TRMT2A: variants seen among roughly 807,000 people sequenced by gnomAD.
The protein encoded by TRMT2A is tRNA (uracil-5-)-methyltransferase homolog A.
TRMT2A carries 60 observed loss-of-function variants against 59.3 expected under a neutral mutation model. That is an observed-to-expected ratio of 1.01 (90% confidence interval 0.82 to 1.26). The LOEUF is 1.26. TRMT2A is among the 50% of genes most tolerant of loss of function. TRMT2A has a pLI of 0.00. For synonymous variants in TRMT2A, 403 were observed against 353.7 expected, an observed-to-expected ratio of 1.14 and a Z score of -1.56; for missense variants, 863 against 845.2, an observed-to-expected ratio of 1.02 and a Z score of -0.26.
chr22:20,116,157 C>T lies in TRMT2A; in HGVS notation c.480G>A (p.Glu160=), dbSNP rs2147965859. Residue 160 remains glutamate, a synonymous_variant, in exon 2 of 12, where the codon GAG becomes GAA. Transcript: ENST00000252136. ...PMARRRRQEG[E]SEPPVTRVAD... ...CCACTCGTGTTACTGGTGGCTCACT[C>T]TCACCCTCCTGTCGCCTCCTCCTGG... 6.2e-7 allele frequency: 1 copy of T among 1,613,136 alleles called. No homozygotes were observed. Among genetic ancestry groups the T allele is most frequent in the Non-Finnish European group, 8.5e-7 (1 of 1,179,924 alleles).
Position 20,113,418 on chromosome 22 carries a change from G to A in TRMT2A, c.1432+14C>T, listed in dbSNP as rs1245318654. On this transcript the variant is annotated intron_variant, in intron 9 of 11. Transcript: ENST00000252136. ...GCCCCCATCCCCACCCCCACCCACG[G>A]CCTTGCCACTCACCATTGTCCTGGG... The A allele has an allele frequency of 1.6e-6, 2 of 1,275,548 alleles. No individual in the cohort carries two copies. The highest frequency in any genetic ancestry group is 1.9e-4 in the Middle Eastern group (1 of 5,286). 79.0% of individuals were successfully genotyped at this position (1,275,548 alleles called of 1,614,324 possible).
intron 3 of TRMT2A, 26 bp downstream of exon 3, chr22:20,115,646 T>C: frequency 1.2e-6 from 2 of 1,610,990 alleles, no homozygotes; most frequent in South Asian, 1.1e-5. Context: ...GGATAGGGGT[T>C]TGTGGCCACC....
At position 20,116,319 on chromosome 22, in the gene TRMT2A, A is replaced by G. The variant is rs1055281896; in HGVS notation, c.318T>C (p.Phe106=). ...FGLQPHKTKL[F]GQPPCAFVTF... The stretch of plus-strand genomic sequence containing the variant: ...TCACAAAGGCGCAGGGTGGTTGCCC[A>G]AAGAGTTTGGTTTTGTGGGGCTGCA... Residue 106 remains phenylalanine (F), a synonymous_variant, in exon 2 of 12, where the codon TTT becomes TTC. Transcript: ENST00000252136. 1 of 1,612,936 alleles carries G rather than the reference A, an allele frequency of 6.2e-7. No homozygotes were observed. The highest frequency in any genetic ancestry group is 2.2e-5 in the East Asian group (1 of 44,874).
chr22:20,116,303 C>T lies in TRMT2A; in HGVS notation c.334G>A (p.Ala112Thr), dbSNP rs761009895. 3.5e-5 allele frequency: 57 copies of T among 1,612,826 alleles called. 1 individual carries two copies. In the East Asian group the frequency reaches 4.2e-4, roughly 12 times the overall value. ...GCAGCGCTGCGGAATGTCACAAAGG[C>T]GCAGGGTGGTTGCCCAAAGAGTTTG... The part of the protein sequence containing the change: ...KTKLFGQPPC[A>T]FVTFRSAAER... The change falls in exon 2 of 12, where the codon GCC becomes ACC. Residue 112 changes from alanine to threonine, a missense_variant. Transcript: ENST00000252136.
chr22:20,113,393 G>GCCCCCCAGCCCCCCCCCCCCCCC, intron 9 of TRMT2A, 39 bp downstream of exon 9: 1 of 1,556,262 alleles, frequency 6.4e-7, no homozygotes, highest in Non-Finnish European at 8.8e-7. Context: ...GGTGGCGGCT[G>GCCCCCCAGCCCCCCCCCCCCCCC]CCCCCATCCC....
rs755036675 is a variant in TRMT2A at position 20,116,076 on chromosome 22, C to T, written c.561G>A (p.Lys187=). The change falls in exon 2 of 12, where the codon AAG becomes AAA. Residue 187 remains lysine, a synonymous_variant. Coordinates refer to ENST00000252136, the MANE Select transcript of TRMT2A (RefSeq NM_022727.6). ...TVPYAEQLER[K]QLECEQVLQK... ...GCAGCACCTGCTCGCACTCCAGCTG[C>T]TTCCGCTCAAGCTGCTCAGCATAGG... 6.3e-6 allele frequency: 10 copies of T among 1,580,376 alleles called. No individual in the cohort carries two copies. The highest frequency in any genetic ancestry group is 4.5e-5 in the South Asian group (4 of 88,538).
Position 20,116,876 on chromosome 22 carries a change from ACT to A in TRMT2A, c.24+5_24+6del. The A allele has an allele frequency of 1.3e-6, 2 of 1,492,826 alleles. No homozygotes were observed. The highest frequency in any genetic ancestry group is 8.9e-7 in the Non-Finnish European group (1 of 1,120,598). The allele number at this position is 1,492,826 out of a possible 1,614,324, so 92.5% of individuals were successfully genotyped here. A position where few individuals can be genotyped will look rare whatever the true frequency, so the allele number is the denominator to read the frequency against. On this transcript the variant is annotated splice_donor_5th_base_variant and intron_variant, in intron 1 of 11. Coordinates refer to ENST00000252136, the MANE Select transcript of TRMT2A (RefSeq NM_022727.6). ...CCGTCTCTACCCAGCGTCTCCCCGC[ACT>A]CTACCTCGTTGTCGAGGTTCTCACT... is the stretch of plus-strand genomic sequence containing the variant.
chr22:20,113,937 A>C, intron 7 of TRMT2A, 129 bp from the exon 8 acceptor site: 1 of 1,299,136 alleles, frequency 7.7e-7, no homozygotes, highest in Non-Finnish European at 1.0e-6. Flanking sequence ...CTTGGTGCCC[A>C]ACGTCTTCCC....
chr22:20,113,408 C>CCCCCCCCCCG, intron 9 of TRMT2A, 24 bp downstream of exon 9: 2 of 1,556,224 alleles, frequency 1.3e-6, no homozygotes, highest in Non-Finnish European at 1.8e-6. Context: ...CATCCCCACC[C>CCCCCCCCCCG]CCACCCACGG....
chr22:20,115,982 G>A, intron 2 of TRMT2A, 56 bp downstream of exon 2: 4 of 1,513,132 alleles, frequency 2.6e-6, no homozygotes, highest in Non-Finnish European at 3.5e-6. Context: ...ACAGGCTGAG[G>A]AAGCACAGGC....
chr22:20,113,434 T>C lies in TRMT2A; in HGVS notation c.1430A>G (p.Asn477Ser), dbSNP rs745892406. The change falls in exon 9 of 12, where the codon AAT becomes AGT. Residue 477 changes from asparagine (N) to serine (S), a missense_variant and splice_region_variant. Asn to Ser is a conservative substitution (Grantham distance 46, BLOSUM62 1). Transcript: ENST00000252136. Reference sequence around the variant, plus strand: ...CCACCCACGGCCTTGCCACTCACCATTGTCCTGGGCGTTCACCCGGGCGTC... The same window carrying C: ...CCACCCACGGCCTTGCCACTCACCACTGTCCTGGGCGTTCACCCGGGCGTC... Reference protein sequence around the residue: ...VEDARVNAQDNELSNVEFHCG... With the variant: ...VEDARVNAQDSELSNVEFHCG... 8.7e-6 allele frequency: 7 copies of C among 806,970 alleles called. No homozygotes were observed. The highest frequency in any genetic ancestry group is 1.4e-5 in the Non-Finnish European group (7 of 513,510). The allele number at this position is 806,970 out of a possible 1,614,324, so 50.0% of individuals were successfully genotyped here.
rs780841062 is a variant in TRMT2A, at chr22:20,113,108, A to T, written c.1549+10T>A. 2.5e-6 allele frequency: 4 copies of T among 1,607,416 alleles called. No individual in the cohort carries two copies. The South Asian group carries it at 4.4e-5, about 18-fold the overall frequency. On this transcript the variant is annotated intron_variant, in intron 10 of 11. Coordinates refer to ENST00000252136, the MANE Select transcript of TRMT2A (RefSeq NM_022727.6). The stretch of plus-strand genomic sequence containing the variant: ...TTCCCGTGCCACCTCCTTAAGCAAA[A>T]GCCACTCACGCAAGCCAGCACGGGG...
Position 20,116,577 on chromosome 22 carries a change from G to A in TRMT2A, c.60C>T (p.Ser20=), listed in dbSNP as rs1362944109. The change falls in exon 2 of 12, where the codon AGC becomes AGT. Residue 20 remains serine (S), a synonymous_variant. Transcript: ENST00000252136. ...CGGTAGGGCAGCTCAGGGCACTGCT[G>A]CTCTCCTGGCCACAGCTCTCCATGG... ...PKPMESCGQE[S]SSALSCPTVS... 1 of 1,569,326 alleles carries A rather than the reference G, an allele frequency of 6.4e-7. No homozygotes were observed. Among genetic ancestry groups the A allele is most frequent in the Admixed American group, 1.9e-5 (1 of 53,272 alleles).
At chr22:20,116,012 G>C in intron 2 of TRMT2A, 26 bp downstream of exon 2, 1 of 1,533,282 alleles carries the variant, frequency 6.5e-7, no homozygotes, top group Non-Finnish European at 8.8e-7. Flanking sequence ...CCCTGGCCAA[G>C]AGGGGCGTCT....
At chr22:20,115,876 G>A in intron 2 of TRMT2A, 96 bp from the exon 3 acceptor site, 1 of 1,409,748 alleles carries the variant, frequency 7.1e-7, no homozygotes. Flanking sequence ...CCCCTCCTTT[G>A]GGATGTCATT....
Position 20,113,422 on chromosome 22 carries a change from T to A in TRMT2A, c.1432+10A>T. 1 of 1,463,720 alleles carries A rather than the reference T, an allele frequency of 6.8e-7. No homozygotes were observed. 90.7% of individuals were successfully genotyped at this position (1,463,720 alleles called of 1,614,324 possible). On this transcript the variant is annotated intron_variant, in intron 9 of 11. Coordinates refer to ENST00000252136, the MANE Select transcript of TRMT2A (RefSeq NM_022727.6). The stretch of plus-strand genomic sequence containing the variant: ...CCATCCCCACCCCCACCCACGGCCT[T>A]GCCACTCACCATTGTCCTGGGCGTT...
rs1254952407 is a variant in TRMT2A, at chr22:20,116,957, C to G, written c.-51G>C. The G allele has an allele frequency of 6.4e-7, 1 of 1,565,822 alleles. No homozygotes were observed. The highest frequency in any genetic ancestry group is 1.2e-5 in the South Asian group (1 of 85,286). Reference sequence around the variant, plus strand: ...CAGGGACGCCATGGGGGCCGCCTGGCCACCTCGTCCTGGGCCTGTCACAAG... The same window carrying G: ...CAGGGACGCCATGGGGGCCGCCTGGGCACCTCGTCCTGGGCCTGTCACAAG... On this transcript the variant is annotated 5_prime_UTR_variant, in exon 1 of 12. Coordinates refer to ENST00000252136, the MANE Select transcript of TRMT2A (RefSeq NM_022727.6).
At chr22:20,116,761 C>A in intron 1 of TRMT2A, 122 bp downstream of exon 1, 3 of 1,430,042 alleles carry the variant, frequency 2.1e-6, no homozygotes, top group Middle Eastern at 1.9e-4. Context: ...ACCCCATTCC[C>A]GTCTCCTTTC....
Position 20,116,543 on chromosome 22 carries a change from G to A in TRMT2A, c.94C>T (p.Pro32Ser), listed in dbSNP as rs1480906823. Residue 32 changes from proline to serine, a missense_variant, in exon 2 of 12, where the codon CCC (proline) becomes TCC (serine). Transcript: ENST00000252136. ...TCCAGGGCTGCCGGGGCTGCAGGGG[G>A]CACCGAGACGGTAGGGCAGCTCAGG... ...SALSCPTVSV[P>S]PAAPAALEEV... The A allele has an allele frequency of 1.9e-6, 3 of 1,597,254 alleles. No homozygotes were observed. The highest frequency in any genetic ancestry group is 2.7e-5 in the African/African-American group (2 of 74,172).
Sources: gnomAD v4.1 joint callset for allele counts on GRCh38, gnomAD v4.1.1 for gene constraint, MANE v1.5 for transcripts, NCBI Gene and HGNC (gene_info 2026-07-23, HGNC 2026-07-21) for gene names.